Variants in MITD1 observed in about 807,000 individuals in gnomAD.
MITD1 encodes microtubule interacting and trafficking domain containing 1.
A neutral mutation model predicts 34.9 loss-of-function variants in MITD1; 24 were observed. That is an observed-to-expected ratio of 0.69 (90% CI 0.50 to 0.97). MITD1 has a LOEUF of 0.97. Ranked by LOEUF, MITD1 falls within the 50% of genes least tolerant of loss-of-function variation. The probability of loss-of-function intolerance (pLI) is 0.00; values close to 1 mark genes in which losing one functional copy is unlikely to be tolerated. For missense variants in MITD1, 266 were observed against 294.6 expected (o/e 0.90, Z 0.71); for synonymous variants, 102 against 101.4 (o/e 1.01, Z -0.04).
downstream of MITD1, among the ~76,000 whole-genome samples, chr2:99,166,526 G>T (rs2964967): frequency 6.8e-6 from 1 of 146,040 alleles, no homozygotes; most frequent in African/African-American, 2.5e-5. Flanking sequence ...ACTCTTTGAA[G>T]AAATTTTTCA....
chr2:99,162,116 C>T (rs141490167), exon 8 of MITD1: 67 of 1,613,824 alleles, frequency 4.2e-5, no homozygotes, highest in Non-Finnish European at 5.0e-5. Context: ...GGATCCATGA[C>T]CATATGAATC....
At chr2:99,175,746 C>T (rs549377413) in intron 1 of MITD1, among the ~76,000 whole-genome samples, 3 of 152,294 alleles carry the variant, frequency 2.0e-5, no homozygotes, top group African/African-American at 7.2e-5. Flanking sequence ...CATTCCTTCT[C>T]AATCTATTTA....
intron 7 of MITD1, among the ~76,000 whole-genome samples, chr2:99,163,791 A>G (rs2093814061): frequency 6.6e-6 from 1 of 151,914 alleles, no homozygotes. Flanking sequence ...CTCTCCTCAT[A>G]TCTCAAACTC....
At chr2:99,161,933 T>C, downstream of MITD1, 1 of 1,538,758 alleles carries the variant, frequency 6.5e-7, no homozygotes, top group Non-Finnish European at 8.8e-7. Context: ...ATGAATTAAT[T>C]TGTTTGTCTT....
At chr2:99,166,051 CTG>C (rs987362771), downstream of MITD1, among the ~76,000 whole-genome samples, 3 of 152,176 alleles carry the variant, frequency 2.0e-5, no homozygotes, top group East Asian at 3.9e-4. Context: ...TCCAAAACCT[CTG>C]TGTCTCAGTC....
At chr2:99,166,217 A>C (rs1022395055), downstream of MITD1, among the ~76,000 whole-genome samples, 22 of 150,372 alleles carry the variant, frequency 1.5e-4, no homozygotes, top group Admixed American at 4.6e-4. Flanking sequence ...GTTACTACCT[A>C]GTACCTAGCT....
At chr2:99,164,274 C>G (rs957137187), downstream of MITD1, among the ~76,000 whole-genome samples, 1 of 152,208 alleles carries the variant, frequency 6.6e-6, no homozygotes. Flanking sequence ...GAGTTGAGGC[C>G]TTCAGAAATG....
At chr2:99,162,142 T>C in exon 8 of MITD1, 1 of 1,614,092 alleles carries the variant, frequency 6.2e-7, no homozygotes, top group South Asian at 1.1e-5. Context: ...GGCAAACCAA[T>C]TCTATTCTTT....
downstream of MITD1, among the ~76,000 whole-genome samples, chr2:99,165,200 TG>T (rs1444885189): frequency 6.6e-6 from 1 of 152,114 alleles, no homozygotes; most frequent in African/African-American, 2.4e-5. Flanking sequence ...CCCAAGTAGC[TG>T]GAACTACAGG....
intron 1 of MITD1, among the ~76,000 whole-genome samples, chr2:99,179,396 A>G (rs1374103029): frequency 6.6e-6 from 1 of 152,206 alleles, no homozygotes; most frequent in Non-Finnish European, 1.5e-5. Flanking sequence ...CGAGAATACC[A>G]TCAACTCCTA....
chr2:99,179,783 G>A (rs940088590), intron 1 of MITD1, among the ~76,000 whole-genome samples: 1 of 151,998 alleles, frequency 6.6e-6, no homozygotes, highest in East Asian at 1.9e-4. Context: ...GGATGGTCTC[G>A]ATCTCTTGAC....
At position 99,171,586 on chromosome 2, in the gene MITD1, G is replaced by C. The variant is rs148335015; in HGVS notation, c.314C>G (p.Ser105Ter). 8.1e-6 allele frequency: 13 copies of C among 1,612,854 alleles called. No individual in the cohort carries two copies. Among genetic ancestry groups the C allele is most frequent in the Non-Finnish European group, 1.1e-5 (13 of 1,179,242 alleles). Reference protein sequence around the residue: ...EENATGFSYESLFREYLNETV... With the variant: ...EENATGFSYE The stretch of plus-strand genomic sequence containing the variant: ...CTCATTAAGGTATTCGCGAAAAAGT[G>C]ACTCATAACTGAAACCTGTTGCATT... Residue 105 changes from serine to a stop codon, truncating the protein, a stop_gained, in exon 3 of 7, where the codon TCA (serine) becomes TGA (stop). Transcript: ENST00000289359. LOFTEE classifies it high-confidence loss of function.
Position 99,180,915 on chromosome 2 carries a change from C to T in MITD1, c.67G>A (p.Val23Ile), listed in dbSNP as rs767455481. 5.0e-6 allele frequency: 8 copies of T among 1,614,106 alleles called. No individual in the cohort carries two copies. The highest frequency in any genetic ancestry group is 5.9e-6 in the Non-Finnish European group (7 of 1,180,050). ...TACCGCGACTCCGAATCTAGTTCTACTGCCCGCTTTAGCACAGTGGCTGCA... is the reference window on the plus strand; with the variant it reads ...TACCGCGACTCCGAATCTAGTTCTATTGCCCGCTTTAGCACAGTGGCTGCA... ...TAAATVLKRA[V>I]ELDSESRYPQ... Residue 23 changes from valine (V) to isoleucine (I), a missense_variant, in exon 1 of 7, where the codon GTA (valine) becomes ATA (isoleucine). Val to Ile is a conservative substitution (Grantham distance 29). Coordinates refer to ENST00000289359, the MANE Select transcript of MITD1 (RefSeq NM_138798.3).
At chr2:99,178,760 A>G (rs1468464133) in intron 1 of MITD1, among the ~76,000 whole-genome samples, 1 of 152,084 alleles carries the variant, frequency 6.6e-6, no homozygotes, top group Non-Finnish European at 1.5e-5. Context: ...CAATTATGTT[A>G]CTCCTTTGTA....
downstream of MITD1, among the ~76,000 whole-genome samples, chr2:99,166,189 TAAA>T (rs554451762): frequency 1.5e-5 from 2 of 132,750 alleles, no homozygotes; most frequent in Admixed American, 1.5e-4. Context: ...GAGTGTGAAT[TAAA>T]AAAAAAAAAA....
chr2:99,162,664 CTGCT>C, intron 7 of MITD1: 1 of 1,614,078 alleles, frequency 6.2e-7, no homozygotes, highest in Non-Finnish European at 8.5e-7. Flanking sequence ...ACAGAGTATG[CTGCT>C]TATCATCAAA....
chr2:99,161,944 C>A, downstream of MITD1: 1 of 1,556,846 alleles, frequency 6.4e-7, no homozygotes, highest in Non-Finnish European at 8.7e-7. Flanking sequence ...TGTTTGTCTT[C>A]CATTTTTAAA....
At chr2:99,163,519 G>T (rs1476088450) in intron 7 of MITD1, among the ~76,000 whole-genome samples, 1 of 151,958 alleles carries the variant, frequency 6.6e-6, no homozygotes, top group Admixed American at 6.6e-5. Flanking sequence ...ATAGAGACAG[G>T]GTTTCACTGT....
intron 7 of MITD1, chr2:99,162,400 C>A: frequency 6.2e-7 from 1 of 1,613,944 alleles, no homozygotes; most frequent in Non-Finnish European, 8.5e-7. Flanking sequence ...GATGTGCAGG[C>A]TACCAAAAGA....
Sources: allele counts gnomAD v4.1 joint callset (sites outside exome capture counted in the v4.1 genomes callset), GRCh38; gene constraint gnomAD v4.1.1; transcripts MANE v1.5; gene names NCBI Gene and HGNC (gene_info 2026-07-23, HGNC 2026-07-21).